EIF3B: variants seen among roughly 807,000 people sequenced by gnomAD.
EIF3B encodes the protein eukaryotic translation initiation factor 3 subunit B.
A neutral mutation model predicts 104.6 loss-of-function variants in EIF3B; 10 were observed. The observed-to-expected ratio is 0.10, with a 90% confidence interval of 0.06 to 0.16. EIF3B has a LOEUF of 0.16. EIF3B is among the 10% of genes least tolerant of loss of function. The pLI is 1.00. For synonymous variants in EIF3B, 542 were observed against 417.2 expected, an observed-to-expected ratio of 1.30 and a Z score of -3.65; for missense variants, 1,014 against 1,087.9, an observed-to-expected ratio of 0.93 and a Z score of 0.96.
At position 2,355,187 on chromosome 7, in the gene EIF3B, C is replaced by A; in HGVS notation, c.266C>A (p.Ala89Asp). ...GPSESPSPPA[A>D]EELPGSHAEP... The stretch of plus-strand genomic sequence containing the variant: ...TCCGAGTCGCCCTCGCCGCCGGCCG[C>A]CGAGGAGCTGCCCGGGTCGCATGCT... The change falls in exon 1 of 19, where the codon GCC (alanine) becomes GAC (aspartate). Residue 89 changes from alanine to aspartate, a missense_variant. Ala to Asp is a moderately radical substitution (Grantham distance 126). Coordinates refer to ENST00000360876, the MANE Select transcript of EIF3B (RefSeq NM_001037283.2). 1 of 1,474,260 alleles carries A rather than the reference C, an allele frequency of 6.8e-7. No individual in the cohort carries two copies. The highest frequency in any genetic ancestry group is 8.9e-7 in the Non-Finnish European group (1 of 1,121,978). The allele number at this position is 1,474,260 out of a possible 1,614,324, so 91.3% of individuals were successfully genotyped here.
intron 9 of EIF3B, chr7:2,367,249 C>G (rs1190054225): frequency 1.9e-6 from 1 of 531,866 alleles, no homozygotes; most frequent in African/African-American, 2.0e-5. Context: ...AGTGGACAGC[C>G]CCTCGGTCCA....
chr7:2,369,524 G>A lies in EIF3B; in HGVS notation c.1456G>A (p.Asp486Asn), dbSNP rs1420061915. Residue 486 changes from aspartate (D) to asparagine (N), a missense_variant, in exon 10 of 19, where the codon GAC becomes AAC. Coordinates refer to ENST00000360876, the MANE Select transcript of EIF3B (RefSeq NM_001037283.2). ...CATAATCGCCTTCTGGGTGCCTGAA[G>A]ACAAAGATATTCCAGCCAGGGTAAC... is the stretch of plus-strand genomic sequence containing the variant. ...GNIIAFWVPE[D>N]KDIPARVTLM... The A allele has an allele frequency of 6.2e-7, 1 of 1,614,180 alleles. No homozygotes were observed. Among genetic ancestry groups the A allele is most frequent in the South Asian group, 1.1e-5 (1 of 91,082 alleles).
At chr7:2,364,320 C>G (rs1463820025) in intron 5 of EIF3B, 52 bp from the exon 6 acceptor site, 21 of 1,482,816 alleles carry the variant, frequency 1.4e-5, no homozygotes, top group Non-Finnish European at 1.7e-5. Flanking sequence ...TAGGAGGGGT[C>G]TTTGTGTTTG....
At position 2,380,637 on chromosome 7, in the gene EIF3B, G is replaced by A. The variant is rs760273931; in HGVS notation, c.*448G>A. 7 of 243,834 alleles carry A rather than the reference G, an allele frequency of 2.9e-5. No individual in the cohort carries two copies. The highest frequency in any genetic ancestry group is 4.6e-5 in the African/African-American group (2 of 43,176). 15.1% of individuals were successfully genotyped at this position (243,834 alleles called of 1,614,324 possible). A position where few individuals can be genotyped will look rare whatever the true frequency, so the allele number is the denominator to read the frequency against. Reference sequence around the variant, plus strand: ...TTGCGGGCAGTGCTGGACGTGTCCCGGAGACCCACCGGGAGGGCGCCGCCA... The same window carrying A: ...TTGCGGGCAGTGCTGGACGTGTCCCAGAGACCCACCGGGAGGGCGCCGCCA... On this transcript the variant is annotated 3_prime_UTR_variant, in exon 19 of 19. Coordinates refer to ENST00000360876, the MANE Select transcript of EIF3B (RefSeq NM_001037283.2).
At chr7:2,367,601 C>CTGGGACTACAGGCACAT (rs975465688) in intron 9 of EIF3B, among the ~76,000 whole-genome samples, 46 of 151,782 alleles carry the variant, frequency 3.0e-4, no homozygotes, top group Middle Eastern at 6.9e-3. Context: ...TCCCGAGTAG[C>CTGGGACTACAGGCACAT]TGGGACTACA....
rs1780964502 is a variant in EIF3B at position 2,380,717 on chromosome 7, T to C, written c.*528T>C. ...GCCGGTTTTCTCCGCAGGTTGAACA[T>C]GGAAATAAAAGCAAACTTGTATGAA... is the stretch of plus-strand genomic sequence containing the variant. On this transcript the variant is annotated 3_prime_UTR_variant, in exon 19 of 19. Transcript: ENST00000360876. The C allele has an allele frequency of 1.1e-5, 2 of 186,296 alleles. No homozygotes were observed. 11.5% of individuals were successfully genotyped at this position (186,296 alleles called of 1,614,324 possible).
At chr7:2,364,795 A>G (rs1779914697) in intron 6 of EIF3B, among the ~76,000 whole-genome samples, 1 of 152,146 alleles carries the variant, frequency 6.6e-6, no homozygotes, top group African/African-American at 2.4e-5. Flanking sequence ...TAGAAATAGG[A>G]TTTTGTTAGT....
In EIF3B at chr7:2,364,635, G is replaced by A. The variant is rs535021288; in HGVS notation, c.1157+106G>A. 980 of 1,096,786 alleles carry A rather than the reference G, an allele frequency of 8.9e-4. 1 individual carries two copies. Among genetic ancestry groups the A allele is most frequent in the Non-Finnish European group, 1.2e-3 (914 of 748,536 alleles). The allele number at this position is 1,096,786 out of a possible 1,614,324, so 67.9% of individuals were successfully genotyped here. Reference sequence around the variant, plus strand: ...CATTTCAAACTTAGTAGAAAAATACGGGAGTATGCAGAACGCTAATAAGCT... The same window carrying A: ...CATTTCAAACTTAGTAGAAAAATACAGGAGTATGCAGAACGCTAATAAGCT... On this transcript the variant is annotated intron_variant, in intron 6 of 18. Transcript: ENST00000360876.
intron 1 of EIF3B, among the ~76,000 whole-genome samples, chr7:2,360,132 A>G (rs757725592): frequency 6.6e-6 from 1 of 152,196 alleles, no homozygotes; most frequent in Non-Finnish European, 1.5e-5. Flanking sequence ...CACTGGGAAC[A>G]GGAGGTGGGA....
Position 2,379,478 on chromosome 7 carries a change from C to A in EIF3B, c.2426C>A (p.Pro809His). ...IEFFVTEEII[P>H]LGNQE ...TTCTTCGTCACTGAAGAAATCATTC[C>A]CCTCGGGAATCAGGAGTGACCTGGA... Residue 809 changes from proline to histidine, a missense_variant, in exon 18 of 19, where the codon CCC becomes CAC. By Grantham distance (77) the Pro-to-His change is moderately conservative. Transcript: ENST00000360876. 2 of 1,577,698 alleles carry A rather than the reference C, an allele frequency of 1.3e-6. No homozygotes were observed. The highest frequency in any genetic ancestry group is 1.7e-6 in the Non-Finnish European group (2 of 1,161,100).
At chr7:2,357,949 C>T (rs1022375339) in intron 1 of EIF3B, among the ~76,000 whole-genome samples, 2 of 152,086 alleles carry the variant, frequency 1.3e-5, no homozygotes, top group African/African-American at 2.4e-5. Context: ...AGAAGTTACC[C>T]TAGGATTTGA....
At chr7:2,378,247 C>G (rs181863388) in intron 15 of EIF3B, 1 of 148,234 alleles carries the variant, frequency 6.7e-6, no homozygotes, top group African/African-American at 2.9e-5. Context: ...GGAGAAGGCG[C>G]GAGCACTGCT....
rs771192634 is a variant in EIF3B at position 2,380,209 on chromosome 7, G to A, written c.*20G>A. On this transcript the variant is annotated 3_prime_UTR_variant, in exon 19 of 19. Coordinates refer to ENST00000360876, the MANE Select transcript of EIF3B (RefSeq NM_001037283.2). ...CGCCATGCCTGTCTATCCAGGGGACGGACTCCGCCTGCTGTTCCCGCGCTG... is the reference window on the plus strand; with the variant it reads ...CGCCATGCCTGTCTATCCAGGGGACAGACTCCGCCTGCTGTTCCCGCGCTG... The A allele has an allele frequency of 2.7e-5, 10 of 371,790 alleles. No homozygotes were observed. Among genetic ancestry groups the A allele is most frequent in the East Asian group, 8.1e-5 (1 of 12,308 alleles). 23.0% of individuals were successfully genotyped at this position (371,790 alleles called of 1,614,324 possible).
Position 2,360,766 on chromosome 7 carries a change from G to T in EIF3B, c.556G>T (p.Val186Leu), listed in dbSNP as rs201155310. 1 of 1,605,828 alleles carries T rather than the reference G, an allele frequency of 6.2e-7. No individual in the cohort carries two copies. Among genetic ancestry groups the T allele is most frequent in the East Asian group, 2.2e-5 (1 of 44,632 alleles). The change falls in exon 2 of 19, where the codon GTG becomes TTG. Residue 186 changes from valine to leucine, a missense_variant. Around this residue, in one of 4 missense-constraint regions of EIF3B, gnomAD observed 488 missense variants for 404.3 expected, o/e 1.21. Coordinates refer to ENST00000360876, the MANE Select transcript of EIF3B (RefSeq NM_001037283.2). ...RPQEADGIDSVIVVDNVPQVG... is the reference protein window; with the variant it reads ...RPQEADGIDSLIVVDNVPQVG... ...CCAGGAAGCAGATGGAATCGATTCG[G>T]TGATTGTAGTGGACAATGTCCCTCA... is the stretch of plus-strand genomic sequence containing the variant.
In EIF3B at chr7:2,355,225, C is replaced by G; in HGVS notation, c.304C>G (p.Pro102Ala). The G allele has an allele frequency of 6.7e-7, 1 of 1,500,974 alleles. No individual in the cohort carries two copies. The highest frequency in any genetic ancestry group is 1.2e-5 in the South Asian group (1 of 80,544). The allele number at this position is 1,500,974 out of a possible 1,614,324, so 93.0% of individuals were successfully genotyped here. ...LPGSHAEPPVPAQGEAPGEQA... is the reference protein window; with the variant it reads ...LPGSHAEPPVAAQGEAPGEQA... The stretch of plus-strand genomic sequence containing the variant: ...CGGGTCGCATGCTGAGCCCCCTGTC[C>G]CGGCACAGGGCGAGGCCCCAGGAGA... The change falls in exon 1 of 19, where the codon CCG becomes GCG. Residue 102 changes from proline (P) to alanine (A), a missense_variant. Transcript: ENST00000360876.
At position 2,377,118 on chromosome 7, in the gene EIF3B, A is replaced by T. The variant is rs199720348; in HGVS notation, c.2154+43A>T. 7.0e-6 allele frequency: 11 copies of T among 1,561,168 alleles called. No individual in the cohort carries two copies. In the East Asian group the frequency reaches 1.6e-4, roughly 23 times the overall value. On this transcript the variant is annotated intron_variant, in intron 15 of 18. Coordinates refer to ENST00000360876, the MANE Select transcript of EIF3B (RefSeq NM_001037283.2). ...CCCGGGTGCAGGGCACATGGAGGCA[A>T]TTGTGGCGTTGAAAAGGTGTCAGTT... is the stretch of plus-strand genomic sequence containing the variant.
At position 2,380,226 on chromosome 7, in the gene EIF3B, C is replaced by G. The variant is rs894034807; in HGVS notation, c.*37C>G. ...CAGGGGACGGACTCCGCCTGCTGTT[C>G]CCGCGCTGAGCTACAGGACTCCCGA... is the stretch of plus-strand genomic sequence containing the variant. On this transcript the variant is annotated 3_prime_UTR_variant, in exon 19 of 19. Coordinates refer to ENST00000360876, the MANE Select transcript of EIF3B (RefSeq NM_001037283.2). 2 of 416,318 alleles carry G rather than the reference C, an allele frequency of 4.8e-6. No homozygotes were observed. The highest frequency in any genetic ancestry group is 9.6e-6 in the Non-Finnish European group (2 of 208,102). 25.8% of individuals were successfully genotyped at this position (416,318 alleles called of 1,614,324 possible). A position where few individuals can be genotyped will look rare whatever the true frequency, so the allele number is the denominator to read the frequency against.
intron 1 of EIF3B, among the ~76,000 whole-genome samples, chr7:2,356,786 T>A (rs1229147293): frequency 6.6e-6 from 1 of 152,046 alleles, no homozygotes; most frequent in Non-Finnish European, 1.5e-5. Flanking sequence ...AGTGAGACCC[T>A]GTCTCAAAAA....
At position 2,374,519 on chromosome 7, in the gene EIF3B, T is replaced by C. The variant is rs370630014; in HGVS notation, c.1811-9T>C. Reference sequence around the variant, plus strand: ...CGCAGCTCGTGACAGGCGCGCTCTTTCCTTTCAGAGATGTTCGACAAGCAG... The same window carrying C: ...CGCAGCTCGTGACAGGCGCGCTCTTCCCTTTCAGAGATGTTCGACAAGCAG... On this transcript the variant is annotated splice_polypyrimidine_tract_variant and intron_variant, in intron 12 of 18. Transcript: ENST00000360876. 54 of 1,613,716 alleles carry C rather than the reference T, an allele frequency of 3.3e-5. No individual in the cohort carries two copies. In the East Asian group the frequency reaches 8.0e-4, roughly 24 times the overall value.
Sources: gnomAD v4.1 joint callset for allele counts (sites outside exome capture counted in the v4.1 genomes callset) on GRCh38, gnomAD v4.1.1 for gene constraint, gnomAD v4.1.1 regional missense constraint, MANE v1.5 for transcripts, NCBI Gene and HGNC (gene_info 2026-07-23, HGNC 2026-07-21) for gene names.